The following CNTN4 variants were observed in gnomAD, a reference collection of about 807,000 sequenced individuals.
The protein encoded by CNTN4 is contactin-4.
In CNTN4, 77 loss-of-function variants were observed where a neutral mutation model predicts 122.5. The ratio of observed to expected loss-of-function variants is 0.63; its 90% CI spans 0.52 to 0.76. The LOEUF is 0.76. Among genes scored for constraint, CNTN4 ranks in the 30% least tolerant of loss-of-function variants. CNTN4 has a pLI of 0.00. For synonymous variants in CNTN4, 512 were observed against 447.0 expected (o/e 1.15, Z -1.83); for missense variants, 1,256 against 1,259.1 (o/e 1.00, Z 0.04).
chr3:2,628,272 T>A (rs1457984767), intron 4 of CNTN4, among the ~76,000 whole-genome samples: 1 of 152,158 alleles, frequency 6.6e-6, no homozygotes, highest in Admixed American at 6.5e-5. Flanking sequence ...GAATTTGACC[T>A]TGTGAAAGCA....
Position 2,674,597 on chromosome 3 carries a change from A to G in CNTN4, c.56-61618A>G, listed in dbSNP as rs112451125. 9.4e-3 allele frequency among the ~76,000 whole-genome samples: 1,427 copies of G among 152,268 alleles called. 26 individuals are homozygous for G. The highest frequency in any genetic ancestry group is 0.033 in the African/African-American group (1,351 of 41,566). On this transcript the variant is annotated intron_variant, in intron 4 of 24. Transcript: ENST00000418658. ...CATGGTGAAATCTCGTCTCTATTAA[A>G]TAATACAAGAATTAGCTGGGTGTGG... is the stretch of plus-strand genomic sequence containing the variant.
chr3:2,479,156 A>C (rs868005460), intron 3 of CNTN4, among the ~76,000 whole-genome samples: 3 of 152,134 alleles, frequency 2.0e-5, no homozygotes, highest in African/African-American at 4.8e-5. Flanking sequence ...TCTCCCTTTA[A>C]ATATCAAAAA....
intron 10 of CNTN4, among the ~76,000 whole-genome samples, chr3:2,891,158 A>G (rs1283410267): frequency 1.3e-5 from 2 of 152,192 alleles, no homozygotes; most frequent in Non-Finnish European, 2.9e-5. Context: ...GGTAAGAGTG[A>G]TAAAGAAAAT....
chr3:2,188,870 A>G (rs930323054), intron 2 of CNTN4, among the ~76,000 whole-genome samples: 8 of 152,186 alleles, frequency 5.3e-5, no homozygotes, highest in African/African-American at 1.9e-4. Flanking sequence ...GACTAAGACT[A>G]TCAGCTACAA....
intron 14 of CNTN4, among the ~76,000 whole-genome samples, chr3:2,991,916 G>A (rs163556): frequency 0.24 from 36,237 of 152,068 alleles, 4,812 homozygotes; most frequent in Admixed American, 0.33. Context: ...TATTCTTTCC[G>A]ATTTCCTCAT....
chr3:2,435,518 C>T (rs1460375903), intron 3 of CNTN4, among the ~76,000 whole-genome samples: 1 of 152,096 alleles, frequency 6.6e-6, no homozygotes, highest in Non-Finnish European at 1.5e-5. Context: ...TAGGGAGAGG[C>T]CAACTGTATA....
chr3:2,399,265 A>G, intron 3 of CNTN4, among the ~76,000 whole-genome samples: 1 of 151,964 alleles, frequency 6.6e-6, no homozygotes, highest in East Asian at 1.9e-4. Context: ...AGCCATAGTA[A>G]GCATGTTCAG....
At chr3:2,355,911 A>AG (rs2044851648) in intron 3 of CNTN4, among the ~76,000 whole-genome samples, 1 of 152,218 alleles carries the variant, frequency 6.6e-6, no homozygotes, top group African/African-American at 2.4e-5. Context: ...AAATTGTAGC[A>AG]GGGGCAGGGT....
At chr3:2,600,515 G>A (rs1027948773) in intron 4 of CNTN4, among the ~76,000 whole-genome samples, 18 of 151,996 alleles carry the variant, frequency 1.2e-4, no homozygotes, top group African/African-American at 4.4e-4. Context: ...CCATGTCCCT[G>A]CAAAGGACAT....
intron 4 of CNTN4, among the ~76,000 whole-genome samples, chr3:2,720,423 G>C (rs2087774115): frequency 6.6e-6 from 1 of 152,136 alleles, no homozygotes; most frequent in African/African-American, 2.4e-5. Context: ...AGAGACCTGG[G>C]GAAGATTAAA....
chr3:2,819,437 T>C (rs368759954), intron 6 of CNTN4, 49 bp from the exon 7 acceptor site: 20 of 1,390,152 alleles, frequency 1.4e-5, no homozygotes, highest in East Asian at 2.3e-5. Context: ...TCCCTTGATA[T>C]CTTAGGACTT....
intron 3 of CNTN4, among the ~76,000 whole-genome samples, chr3:2,492,740 T>C (rs1257652947): frequency 6.6e-6 from 1 of 152,152 alleles, no homozygotes; most frequent in Non-Finnish European, 1.5e-5. Flanking sequence ...CTGCAATAAA[T>C]GAAGGAGAGG....
intron 4 of CNTN4, among the ~76,000 whole-genome samples, chr3:2,657,706 G>C (rs2083657529): frequency 6.6e-6 from 1 of 151,924 alleles, no homozygotes; most frequent in African/African-American, 2.4e-5. Flanking sequence ...CTGTGGTTTG[G>C]GTAGAGATAG....
At chr3:3,039,763 CA>C in intron 19 of CNTN4, 1 of 385,592 alleles carries the variant, frequency 2.6e-6, no homozygotes. Flanking sequence ...TTTTTTTTTA[CA>C]ATCATTTCCA....
At chr3:2,872,600 G>T (rs996669266) in intron 8 of CNTN4, among the ~76,000 whole-genome samples, 1 of 151,966 alleles carries the variant, frequency 6.6e-6, no homozygotes, top group Non-Finnish European at 1.5e-5. Flanking sequence ...ATATTAACCC[G>T]AATTGGAACT....
intron 2 of CNTN4, among the ~76,000 whole-genome samples, chr3:2,263,740 C>G (rs1321634697): frequency 1.3e-5 from 2 of 151,398 alleles, no homozygotes; most frequent in East Asian, 1.9e-4. Flanking sequence ...TTCTATCTGA[C>G]TATATTTTTG....
At chr3:2,719,033 A>C (rs964853656) in intron 4 of CNTN4, among the ~76,000 whole-genome samples, 1 of 152,192 alleles carries the variant, frequency 6.6e-6, no homozygotes, top group Non-Finnish European at 1.5e-5. Context: ...ACTGGACTAG[A>C]TAAGTCTTAG....
chr3:3,022,136 C>T (rs1483862418), intron 14 of CNTN4, among the ~76,000 whole-genome samples: 2 of 149,984 alleles, frequency 1.3e-5, no homozygotes, highest in Non-Finnish European at 3.0e-5. Context: ...CTCAGCTACT[C>T]AGGAGGTTGA....
Position 2,529,960 on chromosome 3 carries a change from A to T in CNTN4, c.-88-41456A>T, listed in dbSNP as rs1342809155. Among the ~76,000 whole-genome samples, 4 of 152,238 alleles carry T rather than the reference A, an allele frequency of 2.6e-5. No homozygotes were observed. In the South Asian group the frequency reaches 8.3e-4, roughly 32 times the overall value. ...AGTAGATGAGCTCCTTGCACTTGATATATTTTCATCAATGAAAATAAAAAA... is the reference window on the plus strand; with the variant it reads ...AGTAGATGAGCTCCTTGCACTTGATTTATTTTCATCAATGAAAATAAAAAA... On this transcript the variant is annotated intron_variant, in intron 3 of 24. Transcript: ENST00000418658.
Sources: allele counts gnomAD v4.1 joint callset (sites outside exome capture counted in the v4.1 genomes callset), GRCh38; gene constraint gnomAD v4.1.1; transcripts MANE v1.5; gene names NCBI Gene and HGNC (gene_info 2026-07-23, HGNC 2026-07-21).